Variants in TTYH1 observed in about 807,000 individuals in gnomAD.
The protein encoded by TTYH1 is tweety family member 1, also known as protein tweety homolog 1.
Under a neutral mutation model 61.2 loss-of-function variants are expected in TTYH1, and 33 were observed. That is an observed-to-expected ratio of 0.54 (90% confidence interval 0.41 to 0.72). TTYH1 has a LOEUF of 0.72. Among genes scored for constraint, TTYH1 ranks in the 30% least tolerant of loss-of-function variants. The pLI, the probability that TTYH1 is intolerant of heterozygous loss-of-function variation, is 0.00. For missense variants in TTYH1, 538 were observed against 575.8 expected (o/e 0.93, Z 0.67); for synonymous variants, 308 against 266.4 (o/e 1.16, Z -1.52).
chr19:54,430,465 T>C (rs966566546), intron 7 of TTYH1, 85 bp from the exon 8 acceptor site: 16 of 1,480,156 alleles, frequency 1.1e-5, no homozygotes, highest in African/African-American at 2.8e-5. Context: ...CTAACCCTGC[T>C]AACCCCCCAG....
At chr19:54,431,559 T>A in intron 10 of TTYH1, 1 of 294,904 alleles carries the variant, frequency 3.4e-6, no homozygotes, top group East Asian at 8.8e-5. Flanking sequence ...TAGTGAGTTC[T>A]GGAGCAAGAC....
chr19:54,436,239 C>T lies in TTYH1; in HGVS notation c.*42+68C>T. 1.2e-6 allele frequency: 2 copies of T among 1,608,226 alleles called. No homozygotes were observed. The highest frequency in any genetic ancestry group is 1.1e-5 in the South Asian group (1 of 90,788). On this transcript the variant is annotated intron_variant, in intron 13 of 13. Coordinates refer to ENST00000376530, the MANE Select transcript of TTYH1 (RefSeq NM_020659.4). The surrounding 1 kb of genome is among the most constrained non-coding windows in gnomAD (Gnocchi z 4.3). ...TGCCCCCCTCCCGCCCTCCGAGCTG[C>T]TCCAGGCATGGGCTGCGTGCCTCCT...
chr19:54,415,643 A>T lies in TTYH1; in HGVS notation c.91A>T (p.Ser31Cys), dbSNP rs532925080. 18 of 1,566,412 alleles carry T rather than the reference A, an allele frequency of 1.1e-5. No homozygotes were observed. The African/African-American group carries it at 2.5e-4, about 21-fold the overall frequency. Residue 31 changes from serine to cysteine, a missense_variant, in exon 1 of 14, where the codon AGC (serine) becomes TGC (cysteine). Ser to Cys is a moderately radical substitution (Grantham distance 112). This residue lies in a region of TTYH1 where 157 missense variants were observed against 157.0 expected (regional missense o/e 1.00). Coordinates refer to ENST00000376530, the MANE Select transcript of TTYH1 (RefSeq NM_020659.4). This position sits in a 1 kb window ranked among gnomAD's most constrained non-coding sequence, Gnocchi z 5.2. The stretch of plus-strand genomic sequence containing the variant: ...CGACTTCCAGCTCCGCCCGGTGCCC[A>T]GCGTTTTCGCGCCCCAAGAGCAGGA... The part of the protein sequence containing the change: ...RADFQLRPVP[S>C]VFAPQEQEYQ...
chr19:54,422,318 G>A lies in TTYH1; in HGVS notation c.546G>A (p.Ala182=), dbSNP rs761900125. ...GGGCTCGACGGCAGGCGGAGGCTGC[G>A]GCCCAGCAGCTGCAGGGGCTGGCCT... ...ARGARRQAEA[A]AQQLQGLAFW... The change falls in exon 4 of 14, where the codon GCG becomes GCA. Residue 182 remains alanine (A), a synonymous_variant. Transcript: ENST00000376530. 36 of 1,565,592 alleles carry A rather than the reference G, an allele frequency of 2.3e-5. No individual in the cohort carries two copies. Among genetic ancestry groups the A allele is most frequent in the Admixed American group, 5.8e-5 (3 of 51,504 alleles).
chr19:54,415,813 G>A lies in TTYH1; in HGVS notation c.126+135G>A, dbSNP rs2083065897. 9.4e-7 allele frequency: 1 copy of A among 1,064,882 alleles called. No individual in the cohort carries two copies. Among genetic ancestry groups the A allele is most frequent in the Non-Finnish European group, 1.3e-6 (1 of 772,652 alleles). 66.0% of individuals were successfully genotyped at this position (1,064,882 alleles called of 1,614,324 possible). On this transcript the variant is annotated intron_variant, in intron 1 of 13. Transcript: ENST00000376530. The surrounding 1 kb of genome is among the most constrained non-coding windows in gnomAD (Gnocchi z 5.2). ...GGGCCGGCCCGGACTTTGGGGTTTC[G>A]GAGGGAGGAGGAGCCTGGGGGCGCC...
At position 54,423,692 on chromosome 19, in the gene TTYH1, G is replaced by A. The variant is rs75491997; in HGVS notation, c.638+1282G>A. Among the ~76,000 whole-genome samples the A allele has an allele frequency of 2.6e-5, 4 of 152,280 alleles. No homozygotes were observed. The South Asian group carries it at 6.2e-4, about 24-fold the overall frequency. On this transcript the variant is annotated intron_variant, in intron 4 of 13. Transcript: ENST00000376530. ...TTGGCATCTGAGTGCTGAGAAGGAC[G>A]ATTAGCACAGGGAGAGCACCGCAGA...
chr19:54,416,696 T>C lies in TTYH1; in HGVS notation c.126+1018T>C. ...AGTGCTGTGTTCTGAGCTATTTGGG[T>C]CACGGCTGGCACAGCCCTGAGCAGC... On this transcript the variant is annotated intron_variant, in intron 1 of 13. Transcript: ENST00000376530. The surrounding 1 kb of genome is among the most constrained non-coding windows in gnomAD (Gnocchi z 7.0). The C allele has an allele frequency of 8.0e-7, 1 of 1,254,140 alleles. No individual in the cohort carries two copies. Among genetic ancestry groups the C allele is most frequent in the Non-Finnish European group, 1.0e-6 (1 of 961,838 alleles). The allele number at this position is 1,254,140 out of a possible 1,614,324, so 77.7% of individuals were successfully genotyped here.
In TTYH1 at chr19:54,419,328, T is replaced by TGGGG; in HGVS notation, c.305+25_305+26insGGGG. Reference sequence around the variant, plus strand: ...GCTGGTAATGGGGCCCCAGGGTGGGTGGGCGGTGGGGACAGGGCTCCCCAA... The same window carrying TGGGG: ...GCTGGTAATGGGGCCCCAGGGTGGGTGGGGGGGCGGTGGGGACAGGGCTCCCCAA... On this transcript the variant is annotated intron_variant, in intron 2 of 13. Transcript: ENST00000376530. This position sits in a 1 kb window ranked among gnomAD's most constrained non-coding sequence, Gnocchi z 6.1. 1 of 871,688 alleles carries TGGGG rather than the reference T, an allele frequency of 1.1e-6. No individual in the cohort carries two copies. The highest frequency in any genetic ancestry group is 1.8e-6 in the Non-Finnish European group (1 of 571,406). The allele number at this position is 871,688 out of a possible 1,614,324, so 54.0% of individuals were successfully genotyped here. A position where few individuals can be genotyped will look rare whatever the true frequency, so the allele number is the denominator to read the frequency against.
Position 54,429,304 on chromosome 19 carries a change from T to A in TTYH1, c.735-3T>A. 2 of 1,613,940 alleles carry A rather than the reference T, an allele frequency of 1.2e-6. No homozygotes were observed. The highest frequency in any genetic ancestry group is 1.7e-6 in the Non-Finnish European group (2 of 1,179,896). The stretch of plus-strand genomic sequence containing the variant: ...CGGGCTGATCCTCCCTCCCCCACTC[T>A]AGGATGACAGTCATGAGTCTCCTGG... On this transcript the variant is annotated splice_polypyrimidine_tract_variant and splice_region_variant and intron_variant, in intron 5 of 13. Coordinates refer to ENST00000376530, the MANE Select transcript of TTYH1 (RefSeq NM_020659.4). This position sits in a 1 kb window ranked among gnomAD's most constrained non-coding sequence, Gnocchi z 5.1.
At position 54,430,975 on chromosome 19, in the gene TTYH1, G is replaced by C. The variant is rs1599912454; in HGVS notation, c.1032+70G>C. ...GGCGGACGGGGCGGGATGGAGCTGT[G>C]GGGCGTAGGCGGGGCTGCAGAGCTA... On this transcript the variant is annotated intron_variant, in intron 9 of 13. Transcript: ENST00000376530. The C allele has an allele frequency of 1.9e-6, 3 of 1,572,784 alleles. No homozygotes were observed. The Admixed American group carries it at 5.0e-5, about 26-fold the overall frequency.
Position 54,420,967 on chromosome 19 carries a change from C to T in TTYH1, c.306-310C>T. On this transcript the variant is annotated intron_variant, in intron 2 of 13. Transcript: ENST00000376530. The surrounding 1 kb of genome is among the most constrained non-coding windows in gnomAD (Gnocchi z 4.8). The stretch of plus-strand genomic sequence containing the variant: ...GAGGGGAAGACGGCCCATCCCGGAG[C>T]TGGGTGTGACTGGGGTTCTGCTCCA... 1 of 450,692 alleles carries T rather than the reference C, an allele frequency of 2.2e-6. No individual in the cohort carries two copies. The highest frequency in any genetic ancestry group is 4.3e-6 in the Non-Finnish European group (1 of 234,828). 27.9% of individuals were successfully genotyped at this position (450,692 alleles called of 1,614,324 possible).
In TTYH1 at chr19:54,434,782, C is replaced by T. The variant is rs79839542; in HGVS notation, c.1126-760C>T. 994 of 152,406 alleles carry T rather than the reference C, an allele frequency of 6.5e-3. 7 individuals are homozygous for T. The highest frequency in any genetic ancestry group is 0.037 in the Middle Eastern group (11 of 294). The allele number at this position is 152,406 out of a possible 1,614,324, so 9.4% of individuals were successfully genotyped here. ...CTTGAGCCACTGGTTGGTTTTTCGA[C>T]GTGCTGTTCCACGTGCTCTAGGCCA... On this transcript the variant is annotated intron_variant, in intron 10 of 13. Coordinates refer to ENST00000376530, the MANE Select transcript of TTYH1 (RefSeq NM_020659.4). This position sits in a 1 kb window ranked among gnomAD's most constrained non-coding sequence, Gnocchi z 4.3.
Position 54,429,459 on chromosome 19 carries a change from G to C in TTYH1, c.807+80G>C, listed in dbSNP as rs2083390764. 8.9e-6 allele frequency: 12 copies of C among 1,345,706 alleles called. No individual in the cohort carries two copies. 83.4% of individuals were successfully genotyped at this position (1,345,706 alleles called of 1,614,324 possible). ...CAACTTCTGGATCTCGGGATGGCATGGCTTAGTAGAGAAAGGAATTGGGGG... is the reference window on the plus strand; with the variant it reads ...CAACTTCTGGATCTCGGGATGGCATCGCTTAGTAGAGAAAGGAATTGGGGG... On this transcript the variant is annotated intron_variant, in intron 6 of 13. Coordinates refer to ENST00000376530, the MANE Select transcript of TTYH1 (RefSeq NM_020659.4). This position sits in a 1 kb window ranked among gnomAD's most constrained non-coding sequence, Gnocchi z 5.1.
rs1569254148 is a variant in TTYH1 at position 54,421,229 on chromosome 19, CGGGGTCCT to C, written c.306-44_306-37del. The stretch of plus-strand genomic sequence containing the variant: ...TGGGGTGGGAGGGGACGGTGGCCCC[CGGGGTCCT>C]GGGACCCGCTGAGATTCCTCTCCCT... On this transcript the variant is annotated intron_variant, in intron 2 of 13. Transcript: ENST00000376530. This position sits in a 1 kb window ranked among gnomAD's most constrained non-coding sequence, Gnocchi z 4.8. The C allele has an allele frequency of 2.3e-6, 3 of 1,315,770 alleles. No individual in the cohort carries two copies. The Admixed American group carries it at 5.1e-5, about 22-fold the overall frequency. 81.5% of individuals were successfully genotyped at this position (1,315,770 alleles called of 1,614,324 possible).
rs1054793385 is a variant in TTYH1 at position 54,420,911 on chromosome 19, G to A, written c.306-366G>A. 18 of 321,258 alleles carry A rather than the reference G, an allele frequency of 5.6e-5. No homozygotes were observed. Among genetic ancestry groups the A allele is most frequent in the African/African-American group, 1.7e-4 (8 of 47,116 alleles). The allele number at this position is 321,258 out of a possible 1,614,324, so 19.9% of individuals were successfully genotyped here. A position where few individuals can be genotyped will look rare whatever the true frequency, so the allele number is the denominator to read the frequency against. ...GGGCTGCCTGCCTGGCAAAGGATGCGGGGGAAGGGTGTGGGGCAGGCAGTC... is the reference window on the plus strand; with the variant it reads ...GGGCTGCCTGCCTGGCAAAGGATGCAGGGGAAGGGTGTGGGGCAGGCAGTC... On this transcript the variant is annotated intron_variant, in intron 2 of 13. Transcript: ENST00000376530. This position sits in a 1 kb window ranked among gnomAD's most constrained non-coding sequence, Gnocchi z 4.8.
chr19:54,428,237 A>G (rs936853639), intron 5 of TTYH1, among the ~76,000 whole-genome samples: 14 of 151,658 alleles, frequency 9.2e-5, no homozygotes, highest in South Asian at 2.1e-4. Context: ...TTACAGGCGT[A>G]TGCCACCAAA....
chr19:54,431,300 C>A, intron 10 of TTYH1, 109 bp downstream of exon 10: 1 of 708,160 alleles, frequency 1.4e-6, no homozygotes, highest in Admixed American at 2.2e-5. Flanking sequence ...CTGAGGATAT[C>A]TCTGTATCCT....
At position 54,419,493 on chromosome 19, in the gene TTYH1, A is replaced by T. The variant is rs1310644607; in HGVS notation, c.305+187A>T. On this transcript the variant is annotated intron_variant, in intron 2 of 13. Coordinates refer to ENST00000376530, the MANE Select transcript of TTYH1 (RefSeq NM_020659.4). This position sits in a 1 kb window ranked among gnomAD's most constrained non-coding sequence, Gnocchi z 6.1. Reference sequence around the variant, plus strand: ...CAGGAAGGACTGTCCCATTTGATGGATGGAGAAAGTGAGGCTCTGGAGAGG... The same window carrying T: ...CAGGAAGGACTGTCCCATTTGATGGTTGGAGAAAGTGAGGCTCTGGAGAGG... The T allele has an allele frequency of 2.7e-6, 2 of 739,040 alleles. No individual in the cohort carries two copies. The highest frequency in any genetic ancestry group is 4.8e-6 in the Non-Finnish European group (2 of 419,204). The allele number at this position is 739,040 out of a possible 1,614,324, so 45.8% of individuals were successfully genotyped here.
intron 9 of TTYH1, 71 bp from the exon 10 acceptor site, chr19:54,431,028 C>T (rs962029143): frequency 1.0e-4 from 150 of 1,431,394 alleles, no homozygotes; most frequent in Non-Finnish European, 1.4e-4. Flanking sequence ...TGGGCGGGGA[C>T]GCAGGGCGGG....
Sources: allele counts gnomAD v4.1 joint callset (sites outside exome capture counted in the v4.1 genomes callset), GRCh38; gene constraint gnomAD v4.1.1; regional missense constraint gnomAD v4.1.1; non-coding constraint Gnocchi (gnomAD v3.1); transcripts MANE v1.5; gene names NCBI Gene and HGNC (gene_info 2026-07-23, HGNC 2026-07-21).